RPAP2: variants seen among roughly 807,000 people sequenced by gnomAD.
The protein encoded by RPAP2 is putative RNA polymerase II subunit B1 CTD phosphatase RPAP2.
Under a neutral mutation model 73.1 loss-of-function variants are expected in RPAP2, and 52 were observed. That is an observed-to-expected ratio of 0.71 (90% CI 0.57 to 0.90). The LOEUF (loss-of-function observed/expected upper bound fraction) is 0.90. RPAP2 is among the 40% of genes least tolerant of loss of function. RPAP2 has a pLI of 0.00. For missense variants in RPAP2, 598 were observed against 701.8 expected (o/e 0.85, Z 1.67); for synonymous variants, 225 against 242.1 (o/e 0.93, Z 0.65).
intron 10 of RPAP2, among the ~76,000 whole-genome samples, chr1:92,342,491 G>C (rs567185767): frequency 2.8e-4 from 43 of 152,288 alleles, no homozygotes; most frequent in Non-Finnish European, 4.6e-4. Flanking sequence ...TACTCTGAGT[G>C]AGATGGAGGG....
At chr1:92,385,783 TAACA>T (rs1263419841) in intron 12 of RPAP2, among the ~76,000 whole-genome samples, 1 of 152,236 alleles carries the variant, frequency 6.6e-6, no homozygotes, top group Non-Finnish European at 1.5e-5. Context: ...TGGTTTAAAG[TAACA>T]AACATTTTTT....
intron 3 of RPAP2, among the ~76,000 whole-genome samples, chr1:92,302,248 G>C (rs1650902452): frequency 6.6e-6 from 1 of 151,342 alleles, no homozygotes; most frequent in South Asian, 2.1e-4. Flanking sequence ...CTGCACTCCA[G>C]TCTGGGCAAC....
At position 92,392,038 on chromosome 1, in the gene RPAP2, C is replaced by T. The variant is rs1202113190; in HGVS notation, c.*5027C>T. 2 of 152,298 alleles carry T rather than the reference C, an allele frequency of 1.3e-5. No homozygotes were observed. Among genetic ancestry groups the T allele is most frequent in the Admixed American group, 1.3e-4 (2 of 15,292 alleles). The allele number at this position is 152,298 out of a possible 1,614,324, so 9.4% of individuals were successfully genotyped here. ...ATCCTCCCTAACTCATTTTATGAGG[C>T]TAACATCATCCTGATACCAAAGCCT... is the stretch of plus-strand genomic sequence containing the variant. On this transcript the variant is annotated 3_prime_UTR_variant, in exon 13 of 13. Coordinates refer to ENST00000610020, the MANE Select transcript of RPAP2 (RefSeq NM_024813.3).
intron 11 of RPAP2, among the ~76,000 whole-genome samples, chr1:92,353,853 G>C (rs1654333278): frequency 6.6e-6 from 1 of 152,118 alleles, no homozygotes; most frequent in Non-Finnish European, 1.5e-5. Flanking sequence ...TGGGAATCTA[G>C]ATAGTTTCTA....
chr1:92,351,748 C>G (rs1166298886), intron 11 of RPAP2, among the ~76,000 whole-genome samples: 4 of 152,174 alleles, frequency 2.6e-5, no homozygotes, highest in Admixed American at 6.5e-5. Context: ...CGAGAAGCAG[C>G]TTGACTGGCC....
chr1:92,344,266 G>A (rs1169464063), intron 10 of RPAP2, among the ~76,000 whole-genome samples: 5 of 152,010 alleles, frequency 3.3e-5, no homozygotes, highest in Admixed American at 1.3e-4. Flanking sequence ...AAAATTAGGC[G>A]TGGTGGCATA....
intron 12 of RPAP2, among the ~76,000 whole-genome samples, chr1:92,381,740 G>A (rs1237571263): frequency 6.6e-6 from 1 of 151,434 alleles, no homozygotes; most frequent in Non-Finnish European, 1.5e-5. Context: ...AAGCATACTT[G>A]ATGTCTGTCA....
intron 2 of RPAP2, among the ~76,000 whole-genome samples, chr1:92,301,252 G>T (rs1433239340): frequency 6.6e-6 from 1 of 152,216 alleles, no homozygotes; most frequent in Non-Finnish European, 1.5e-5. Context: ...GGGAGGCTGA[G>T]GTGGGAGTGT....
chr1:92,378,133 T>G (rs957265035), intron 11 of RPAP2, among the ~76,000 whole-genome samples: 1 of 152,204 alleles, frequency 6.6e-6, no homozygotes, highest in African/African-American at 2.4e-5. Flanking sequence ...ACTAATCTCC[T>G]TGAAAGTCAG....
Position 92,389,637 on chromosome 1 carries a change from A to G in RPAP2, c.*2626A>G, listed in dbSNP as rs1338244842. ...GTTCTAATGCGTCGCAAGGAAGCTA[A>G]AAATCTTGAAAAAAGGTTAGACAAA... is the stretch of plus-strand genomic sequence containing the variant. On this transcript the variant is annotated 3_prime_UTR_variant, in exon 13 of 13. Coordinates refer to ENST00000610020, the MANE Select transcript of RPAP2 (RefSeq NM_024813.3). The G allele has an allele frequency of 1.3e-5, 2 of 152,224 alleles. No individual in the cohort carries two copies. The highest frequency in any genetic ancestry group is 2.9e-5 in the Non-Finnish European group (2 of 68,036). The allele number at this position is 152,224 out of a possible 1,614,324, so 9.4% of individuals were successfully genotyped here. A position where few individuals can be genotyped will look rare whatever the true frequency, so the allele number is the denominator to read the frequency against.
chr1:92,351,608 T>C (rs182295183), intron 11 of RPAP2, among the ~76,000 whole-genome samples: 2 of 152,278 alleles, frequency 1.3e-5, no homozygotes, highest in East Asian at 3.9e-4. Context: ...CAGTCTTCTG[T>C]GACCTCTGTC....
At chr1:92,368,852 A>C (rs899614488) in intron 11 of RPAP2, among the ~76,000 whole-genome samples, 1 of 152,236 alleles carries the variant, frequency 6.6e-6, no homozygotes, top group Non-Finnish European at 1.5e-5. Context: ...GCAGTTTGAC[A>C]CTTGGCTTTT....
chr1:92,320,718 G>A, intron 7 of RPAP2, 84 bp downstream of exon 7: 1 of 1,067,854 alleles, frequency 9.4e-7, no homozygotes, highest in Non-Finnish European at 1.4e-6. Flanking sequence ...ATGAGCTCTT[G>A]GACTTCCTGT....
chr1:92,366,627 A>G lies in RPAP2; in HGVS notation c.1689-14097A>G, dbSNP rs368709301. ...TTCTGCCTTTTCCTCAATAACAAAC[A>G]AGCAAGGCAGAGAAAGAGTTAATAT... On this transcript the variant is annotated intron_variant, in intron 11 of 12. Transcript: ENST00000610020. 4.6e-5 allele frequency among the ~76,000 whole-genome samples: 7 copies of G among 152,336 alleles called. No homozygotes were observed. In the South Asian group the frequency reaches 1.5e-3, roughly 32 times the overall value.
chr1:92,401,070 T>C lies in RPAP2; in HGVS notation c.*14059T>C, dbSNP rs4970699. 112,835 of 152,086 alleles carry C rather than the reference T, an allele frequency of 0.74. 43,290 individuals carry two copies. The highest frequency in any genetic ancestry group is 0.96 in the East Asian group (4,965 of 5,154). The allele number at this position is 152,086 out of a possible 1,614,324, so 9.4% of individuals were successfully genotyped here. The stretch of plus-strand genomic sequence containing the variant: ...CAGATCTCATGAGAACTCACTATCA[T>C]GAGAACAGCAGGGGAGAACCACCCC... On this transcript the variant is annotated 3_prime_UTR_variant, in exon 13 of 13. Transcript: ENST00000610020.
chr1:92,391,852 A>G lies in RPAP2; in HGVS notation c.*4841A>G, dbSNP rs925673538. On this transcript the variant is annotated 3_prime_UTR_variant, in exon 13 of 13. Transcript: ENST00000610020. ...AACCAGGAAGAAGTTGAATCTCTGA[A>G]TAAACCAGTAACAGGTTCTGAAATT... is the stretch of plus-strand genomic sequence containing the variant. 2 of 152,222 alleles carry G rather than the reference A, an allele frequency of 1.3e-5. No individual in the cohort carries two copies. Among genetic ancestry groups the G allele is most frequent in the African/African-American group, 4.8e-5 (2 of 41,456 alleles). 9.4% of individuals were successfully genotyped at this position (152,222 alleles called of 1,614,324 possible).
At chr1:92,307,044 A>G (rs1341556409) in intron 5 of RPAP2, 144 bp from the exon 6 acceptor site, 1 of 607,314 alleles carries the variant, frequency 1.6e-6, no homozygotes, top group African/African-American at 1.9e-5. Context: ...TCAAAGGTTC[A>G]GTATCTTATT....
intron 11 of RPAP2, among the ~76,000 whole-genome samples, chr1:92,366,256 T>C (rs1029429023): frequency 2.0e-5 from 3 of 152,168 alleles, no homozygotes; most frequent in Admixed American, 6.5e-5. Flanking sequence ...TGAGCTGTGA[T>C]TGCACCACTG....
chr1:92,362,347 C>CA (rs1296864150), intron 11 of RPAP2, among the ~76,000 whole-genome samples: 1 of 152,086 alleles, frequency 6.6e-6, no homozygotes, highest in East Asian at 1.9e-4. Flanking sequence ...TTTTTGGAAG[C>CA]AAAATTCAAA....
Sources: gnomAD v4.1 joint callset for allele counts (sites outside exome capture counted in the v4.1 genomes callset) on GRCh38, gnomAD v4.1.1 for gene constraint, MANE v1.5 for transcripts, NCBI Gene and HGNC (gene_info 2026-07-23, HGNC 2026-07-21) for gene names.